Variants in NBDY observed in about 807,000 individuals in gnomAD.
The protein encoded by NBDY is P-body dissociating protein.
intron 2 of NBDY, among the ~76,000 whole-genome samples, chrX:56,763,492 TGGAGCTCCAGGCTTTCGTA>T (rs2069648805): frequency 8.9e-6 from 1 of 112,683 alleles, no homozygotes; most frequent in Non-Finnish European, 1.9e-5. Flanking sequence ...AAACTCTACC[TGGAGCTCCAGGCTTTCGTA>T]GGACCCCCAG....
chrX:56,783,603 C>G (rs777070586), intron 2 of NBDY, among the ~76,000 whole-genome samples: 1 of 112,140 alleles, frequency 8.9e-6, no homozygotes, highest in African/African-American at 3.2e-5. Flanking sequence ...TTCTAGGGCT[C>G]TAAACCCCAG....
chrX:56,745,850 C>T (rs766931129), intron 2 of NBDY, among the ~76,000 whole-genome samples: 4 of 105,994 alleles, frequency 3.8e-5, no homozygotes, highest in Non-Finnish European at 3.9e-5. Flanking sequence ...TTAGTTTAAG[C>T]GTTTTTAGCA....
chrX:56,765,523 C>T (rs769102480), intron 2 of NBDY, among the ~76,000 whole-genome samples: 1 of 111,780 alleles, frequency 8.9e-6, no homozygotes, highest in African/African-American at 3.3e-5. Flanking sequence ...TCCTTTAAGC[C>T]GGATGTCAGA....
intron 2 of NBDY, among the ~76,000 whole-genome samples, chrX:56,794,886 G>A (rs756066227): frequency 8.9e-6 from 1 of 112,299 alleles, no homozygotes; most frequent in Non-Finnish European, 1.9e-5. Flanking sequence ...GCAGGGATTC[G>A]GGCCAGATAT....
At chrX:56,794,483 C>T (rs1223584850) in intron 2 of NBDY, among the ~76,000 whole-genome samples, 4 of 112,190 alleles carry the variant, frequency 3.6e-5, no homozygotes, top group African/African-American at 9.7e-5. Flanking sequence ...TCCCCACCTA[C>T]GAGGTCACTT....
At position 56,742,273 on chromosome X, in the gene NBDY, A is replaced by T. The variant is rs373782383; in HGVS notation, c.*166+10074A>T. 1.2e-3 allele frequency among the ~76,000 whole-genome samples: 136 copies of T among 111,521 alleles called. 1 individual carries two copies. Among genetic ancestry groups the T allele is most frequent in the African/African-American group, 4.1e-3 (126 of 30,776 alleles). ...TGAAGTCAGGTAATATGATTCCTCC[A>T]GTTTTGTTCTTTTTGCTTAGGATAG... On this transcript the variant is annotated intron_variant, in intron 2 of 2. Transcript: ENST00000374922.
intron 2 of NBDY, among the ~76,000 whole-genome samples, chrX:56,807,723 G>T (rs935913813): frequency 8.9e-6 from 1 of 111,938 alleles, no homozygotes; most frequent in Non-Finnish European, 1.9e-5. Context: ...GGGCTGAGAC[G>T]ATGGGGTTTT....
intron 1 of NBDY, among the ~76,000 whole-genome samples, chrX:56,729,815 A>G (rs1046450954): frequency 1.2e-4 from 13 of 112,216 alleles, no homozygotes; most frequent in African/African-American, 4.2e-4. Flanking sequence ...TTGTAGTTAT[A>G]TTTTCTAAGA....
chrX:56,737,867 C>T (rs2069505330), intron 2 of NBDY, among the ~76,000 whole-genome samples: 1 of 111,672 alleles, frequency 9.0e-6, no homozygotes, highest in Admixed American at 9.5e-5. Context: ...TCACGTTTGC[C>T]TTATCATTCT....
chrX:56,812,801 T>TTTC (rs781644292), intron 2 of NBDY, among the ~76,000 whole-genome samples: 1 of 111,781 alleles, frequency 8.9e-6, no homozygotes, highest in African/African-American at 3.3e-5. Flanking sequence ...CTCCTCTTTC[T>TTTC]TTCTTCTTCT....
intron 2 of NBDY, among the ~76,000 whole-genome samples, chrX:56,787,192 C>G (rs1016692122): frequency 9.0e-6 from 1 of 110,929 alleles, no homozygotes; most frequent in Non-Finnish European, 1.9e-5. Flanking sequence ...GACACAGACA[C>G]AATGCACGCA....
intron 2 of NBDY, among the ~76,000 whole-genome samples, chrX:56,784,628 G>A (rs2069716234): frequency 9.0e-6 from 1 of 111,701 alleles, no homozygotes; most frequent in Non-Finnish European, 1.9e-5. Flanking sequence ...CCTGTTCTGC[G>A]TGTGGAAGTA....
In NBDY at chrX:56,819,119, T is replaced by G. The variant is rs1298859881; in HGVS notation, c.*1966T>G. 2 of 110,916 alleles carry G rather than the reference T, an allele frequency of 1.8e-5. No homozygotes were observed. Among genetic ancestry groups the G allele is most frequent in the Admixed American group, 9.7e-5 (1 of 10,347 alleles). The allele number at this position is 110,916 out of a possible 1,213,427, so 9.1% of individuals were successfully genotyped here. ...CTTGGGAGGAAATATAGAATAAATTTTTGTGACCTTGAATTAAGTATTAGA... is the reference window on the plus strand; with the variant it reads ...CTTGGGAGGAAATATAGAATAAATTGTTGTGACCTTGAATTAAGTATTAGA... On this transcript the variant is annotated 3_prime_UTR_variant, in exon 3 of 3. Transcript: ENST00000374922.
At chrX:56,763,941 C>T (rs780288598) in intron 2 of NBDY, among the ~76,000 whole-genome samples, 10 of 112,533 alleles carry the variant, frequency 8.9e-5, no homozygotes, top group South Asian at 3.6e-4. Context: ...TGCCATCAAG[C>T]GGAAACTGTA....
chrX:56,744,251 T>C (rs953309768), intron 2 of NBDY, among the ~76,000 whole-genome samples: 4 of 111,861 alleles, frequency 3.6e-5, no homozygotes, highest in Admixed American at 2.9e-4. Flanking sequence ...TGACCTAACA[T>C]GGTGGCTTTA....
intron 2 of NBDY, among the ~76,000 whole-genome samples, chrX:56,760,045 C>T (rs1389383763): frequency 8.9e-6 from 1 of 112,665 alleles, no homozygotes; most frequent in East Asian, 2.8e-4. Flanking sequence ...CAGGGTGTCT[C>T]TGCCCACTGG....
intron 2 of NBDY, among the ~76,000 whole-genome samples, chrX:56,735,140 C>G (rs2069480760): frequency 8.9e-6 from 1 of 112,197 alleles, no homozygotes; most frequent in African/African-American, 3.2e-5. Flanking sequence ...GAAAGGCCCT[C>G]TCTTTCAAAT....
At chrX:56,789,659 C>T (rs2069750186) in intron 2 of NBDY, among the ~76,000 whole-genome samples, 1 of 111,332 alleles carries the variant, frequency 9.0e-6, no homozygotes, top group African/African-American at 3.3e-5. Context: ...GACTCCTGTT[C>T]GAGGCCTTCA....
chrX:56,794,729 A>T (rs1456433972), intron 2 of NBDY, among the ~76,000 whole-genome samples: 1 of 112,227 alleles, frequency 8.9e-6, no homozygotes, highest in Non-Finnish European at 1.9e-5. Flanking sequence ...GAATCTGCAC[A>T]GGTCTCCTAA....
Sources: gnomAD v4.1 joint callset for allele counts (sites outside exome capture counted in the v4.1 genomes callset) on GRCh38, gnomAD v4.1.1 for gene constraint, MANE v1.5 for transcripts, NCBI Gene and HGNC (gene_info 2026-07-23, HGNC 2026-07-21) for gene names.